Variants in KLHL8 observed in about 807,000 individuals in gnomAD.
KLHL8 encodes the protein kelch-like protein 8.
In KLHL8, 38 loss-of-function variants were observed where a neutral mutation model predicts 63.5. The observed-to-expected ratio is 0.60, with a 90% confidence interval of 0.46 to 0.78. The LOEUF (loss-of-function observed/expected upper bound fraction) is 0.78, where lower values mean the gene tolerates loss of function less well. KLHL8 is among the 30% of genes least tolerant of loss of function. KLHL8 has a pLI of 0.00. For synonymous variants in KLHL8, 224 were observed against 254.3 expected (o/e 0.88, Z 1.13); for missense variants, 566 against 752.4 (o/e 0.75, Z 2.90).
chr4:87,226,976 A>T lies in KLHL8; in HGVS notation n.58-5586T>A, dbSNP rs183529436. ...ATATAAGTAATATATATTATATATA[A>T]ATAATATATAATATATAAATAATAT... On this transcript the variant is annotated intron_variant and non_coding_transcript_variant, in intron 1 of 1. Coordinates refer to the KLHL8 transcript ENST00000506274. Among the ~76,000 whole-genome samples, 28 of 68,262 alleles carry T rather than the reference A, an allele frequency of 4.1e-4. 1 individual carries two copies. Among genetic ancestry groups the T allele is most frequent in the South Asian group, 1.5e-3 (4 of 2,702 alleles). 44.8% of individuals were successfully genotyped at this position (68,262 alleles called of 152,430 possible). A position where few individuals can be genotyped will look rare whatever the true frequency, so the allele number is the denominator to read the frequency against.
upstream of KLHL8, among the ~76,000 whole-genome samples, chr4:87,224,735 A>G (rs560739166): frequency 6.6e-6 from 1 of 152,216 alleles, no homozygotes; most frequent in South Asian, 2.1e-4. Context: ...TAAGACACAC[A>G]TGTGGATGGC....
intron 1 of KLHL8, among the ~76,000 whole-genome samples, chr4:87,218,993 T>C (rs923545081): frequency 4.6e-5 from 7 of 152,202 alleles, no homozygotes; most frequent in African/African-American, 1.7e-4. Flanking sequence ...CGCCTCAATC[T>C]CCCAAAGTGC....
chr4:87,183,266 T>G lies in KLHL8; in HGVS notation c.889A>C (p.Ser297Arg). Residue 297 changes from serine (S) to arginine (R), a missense_variant, in exon 4 of 10, where the codon AGT becomes CGT. Coordinates refer to ENST00000273963, the MANE Select transcript of KLHL8 (RefSeq NM_020803.5). The stretch of plus-strand genomic sequence containing the variant: ...TCAAAGTCAGGTACTGCTCTGCTAC[T>G]CAAGTGAAGGTGGTAATTTCTTGCT... ...DEARNYHLHL[S>R]SRAVPDFEYS... 1 of 1,613,928 alleles carries G rather than the reference T, an allele frequency of 6.2e-7. No individual in the cohort carries two copies. Among genetic ancestry groups the G allele is most frequent in the Middle Eastern group, 1.7e-4 (1 of 6,060 alleles).
intron 2 of KLHL8, among the ~76,000 whole-genome samples, chr4:87,191,955 T>G (rs1731511418): frequency 6.6e-6 from 1 of 152,222 alleles, no homozygotes; most frequent in Admixed American, 6.5e-5. Context: ...TTCTTTTCTA[T>G]GGTTGTGTAG....
At chr4:87,182,331 C>T (rs1560697851) in intron 4 of KLHL8, among the ~76,000 whole-genome samples, 1 of 151,308 alleles carries the variant, frequency 6.6e-6, no homozygotes, top group Non-Finnish European at 1.5e-5. Flanking sequence ...ACTACTTCTT[C>T]ATAGGTAGGT....
chr4:87,179,340 CTCTCT>C (rs1730958061), intron 4 of KLHL8, among the ~76,000 whole-genome samples: 1 of 152,196 alleles, frequency 6.6e-6, no homozygotes, highest in African/African-American at 2.4e-5. Flanking sequence ...AAATCCTGTC[CTCTCT>C]TAACACTTAG....
chr4:87,164,874 C>T (rs537366833), intron 8 of KLHL8, among the ~76,000 whole-genome samples: 85 of 152,148 alleles, frequency 5.6e-4, no homozygotes, highest in East Asian at 2.1e-3. Flanking sequence ...AGAGGCCGGG[C>T]GCGGTGGCTC....
At chr4:87,215,729 G>C (rs1231086105) in intron 1 of KLHL8, among the ~76,000 whole-genome samples, 3 of 152,112 alleles carry the variant, frequency 2.0e-5, no homozygotes, top group Non-Finnish European at 4.4e-5. Flanking sequence ...AGATTTAAAA[G>C]TATGTCCGAT....
At chr4:87,188,382 C>A (rs574902773) in intron 2 of KLHL8, among the ~76,000 whole-genome samples, 1 of 152,130 alleles carries the variant, frequency 6.6e-6, no homozygotes, top group Admixed American at 6.5e-5. Context: ...TAGGGTTCTA[C>A]AATTTCTAGA....
chr4:87,233,357 G>A (rs1432928039), intron 1 of KLHL8, among the ~76,000 whole-genome samples: 1 of 152,176 alleles, frequency 6.6e-6, no homozygotes, highest in Non-Finnish European at 1.5e-5. Context: ...GGAGGCCGAG[G>A]CGGGTGGATC....
Position 87,163,588 on chromosome 4 carries a change from C to G in KLHL8, c.1794G>C (p.Val598=). The G allele has an allele frequency of 3.1e-6, 5 of 1,614,162 alleles. No individual in the cohort carries two copies. The highest frequency in any genetic ancestry group is 4.2e-6 in the Non-Finnish European group (5 of 1,179,996). The change falls in exon 10 of 10, where the codon GTG becomes GTC. Residue 598 remains valine (V), a synonymous_variant. Transcript: ENST00000273963. ...GAATTTGGCTAGTTAAACAGGAACA[C>G]ACAGCTACTCCTGCTCCAGCTCTGC... ...SHCRAGAGVA[V]CSCLTSQIRD...
chr4:87,195,393 A>T lies in KLHL8; in HGVS notation c.147T>A (p.Ala49=), dbSNP rs141011760. 7,386 of 1,613,742 alleles carry T rather than the reference A, an allele frequency of 4.6e-3. 28 individuals carry two copies. Among genetic ancestry groups the T allele is most frequent in the South Asian group, 6.7e-3 (613 of 91,072 alleles). Reference sequence around the variant, plus strand: ...GAAGAGAACCATGAAAATCTTTCCAAGCTTCATTTGCTTCAAAAATAAAGG... The same window carrying T: ...GAAGAGAACCATGAAAATCTTTCCATGCTTCATTTGCTTCAAAAATAAAGG... ...EDSFIFEANE[A]WKDFHGSLLR... is the part of the protein sequence containing the mutation. Residue 49 remains alanine, a synonymous_variant, in exon 2 of 10, where the codon GCT becomes GCA. Transcript: ENST00000273963.
chr4:87,239,699 A>G (rs531723316), intron 1 of KLHL8, among the ~76,000 whole-genome samples: 1 of 152,312 alleles, frequency 6.6e-6, no homozygotes, highest in South Asian at 2.1e-4. Flanking sequence ...CAGAGGATGA[A>G]TTTATGAGAA....
intron 2 of KLHL8, among the ~76,000 whole-genome samples, chr4:87,191,759 G>A (rs963083970): frequency 2.7e-5 from 4 of 149,548 alleles, no homozygotes; most frequent in Non-Finnish European, 5.9e-5. Flanking sequence ...TACCCCCACC[G>A]CCTTCCCTCC....
chr4:87,208,316 A>C (rs1340358391), intron 1 of KLHL8, among the ~76,000 whole-genome samples: 1 of 151,846 alleles, frequency 6.6e-6, no homozygotes, highest in East Asian at 1.9e-4. Context: ...ACAAACAAAC[A>C]AACCTTGGTC....
Position 87,185,689 on chromosome 4 carries a change from C to T in KLHL8, c.327G>A (p.Glu109=). The change falls in exon 3 of 10, where the codon GAG becomes GAA. Residue 109 remains glutamate (E), a synonymous_variant. Transcript: ENST00000273963. ...EMAEAKQTLI[E]IRDFDGDAIE... is the part of the protein sequence containing the mutation. ...TTGCATCACCATCAAAATCTCTAAT[C>T]TCAATCAGCGTTTGCTTGGCTTCAG... is the stretch of plus-strand genomic sequence containing the variant. The T allele has an allele frequency of 6.2e-7, 1 of 1,614,160 alleles. No individual in the cohort carries two copies.
chr4:87,202,229 T>G (rs1731946857), intron 1 of KLHL8, among the ~76,000 whole-genome samples: 1 of 151,456 alleles, frequency 6.6e-6, no homozygotes, highest in Admixed American at 6.6e-5. Flanking sequence ...CAAACAAAAT[T>G]AAAATGAAAA....
intron 1 of KLHL8, among the ~76,000 whole-genome samples, chr4:87,234,371 AGAGGTTGCACTGAGCG>A (rs1289261587): frequency 6.6e-6 from 1 of 151,756 alleles, no homozygotes; most frequent in African/African-American, 2.4e-5. Context: ...CCTGGGAGGC[AGAGGTTGCACTGAGCG>A]GAGGTCGTAC....
intron 2 of KLHL8, among the ~76,000 whole-genome samples, chr4:87,189,799 G>C (rs1467511992): frequency 6.6e-6 from 1 of 152,038 alleles, no homozygotes; most frequent in Non-Finnish European, 1.5e-5. Context: ...ATCCACCGAG[G>C]AGGGCGGATC....
Sources: allele counts gnomAD v4.1 joint callset (sites outside exome capture counted in the v4.1 genomes callset), GRCh38; gene constraint gnomAD v4.1.1; transcripts MANE v1.5; gene names NCBI Gene and HGNC (gene_info 2026-07-23, HGNC 2026-07-21).